The following STC2 variants were observed in gnomAD, a reference collection of about 807,000 sequenced individuals.
The protein encoded by STC2 is stanniocalcin 2, also known as stanniocalcin-2.
STC2 carries 7 observed loss-of-function variants against 22.7 expected under a neutral mutation model. The observed-to-expected ratio is 0.31, with a 90% CI of 0.18 to 0.58. STC2 has a LOEUF of 0.58. Ranked by LOEUF, STC2 falls within the 20% of genes least tolerant of loss-of-function variation. The probability of loss-of-function intolerance (pLI) is 0.89; values close to 1 mark genes in which losing one functional copy is unlikely to be tolerated. For synonymous variants in STC2, 158 were observed against 163.4 expected (o/e 0.97, Z 0.25); for missense variants, 336 against 406.2 (o/e 0.83, Z 1.48).
intron 2 of STC2, among the ~76,000 whole-genome samples, chr5:173,324,752 T>G (rs1762526115): frequency 6.6e-6 from 1 of 152,252 alleles, no homozygotes; most frequent in Admixed American, 6.5e-5. Context: ...TTCTTGGTAT[T>G]CTTCCCTGAC....
At chr5:173,321,328 A>G (rs1203776016) in intron 3 of STC2, among the ~76,000 whole-genome samples, 1 of 152,194 alleles carries the variant, frequency 6.6e-6, no homozygotes, top group Non-Finnish European at 1.5e-5. Context: ...ATAGCCTTAT[A>G]AACTAGGAAT....
intron 3 of STC2, among the ~76,000 whole-genome samples, chr5:173,320,573 G>A (rs952897068): frequency 1.3e-5 from 2 of 152,094 alleles, no homozygotes; most frequent in Admixed American, 1.3e-4. Context: ...GTGACATGGC[G>A]AGTGGGGGTA....
chr5:173,325,983 G>T lies in STC2; in HGVS notation c.179C>A (p.Ala60Asp). The stretch of plus-strand genomic sequence containing the variant: ...AAACACGCCACACCCCACATCGCCA[G>T]CGTTGACCAAACAGTGCTGGATCTC... ...TAEIQHCLVN[A>D]GDVGCGVFEC... The change falls in exon 2 of 4, where the codon GCT (alanine) becomes GAT (aspartate). Residue 60 changes from alanine (A) to aspartate (D), a missense_variant. By Grantham distance (126) the Ala-to-Asp change is moderately radical. Coordinates refer to ENST00000265087, the MANE Select transcript of STC2 (RefSeq NM_003714.3). This position sits in a 1 kb window ranked among gnomAD's most constrained non-coding sequence, Gnocchi z 4.7. 1 of 1,614,208 alleles carries T rather than the reference G, an allele frequency of 6.2e-7. No homozygotes were observed. The highest frequency in any genetic ancestry group is 8.5e-7 in the Non-Finnish European group (1 of 1,180,052).
At chr5:173,327,073 G>A (rs1475779528) in intron 1 of STC2, among the ~76,000 whole-genome samples, 1 of 151,858 alleles carries the variant, frequency 6.6e-6, no homozygotes. Flanking sequence ...CGGGGTGGTG[G>A]GGGTGCCGGC....
chr5:173,318,899 G>C (rs116329742), intron 3 of STC2, among the ~76,000 whole-genome samples: 1 of 152,176 alleles, frequency 6.6e-6, no homozygotes, highest in African/African-American at 2.4e-5. Flanking sequence ...GAAGTGGGAG[G>C]GAGGAAGACC....
intron 1 of STC2, among the ~76,000 whole-genome samples, chr5:173,327,270 T>G (rs1175070120): frequency 6.6e-6 from 1 of 152,222 alleles, no homozygotes; most frequent in Non-Finnish European, 1.5e-5. Context: ...GGAGGGGTCG[T>G]GGAGCGAAGG....
chr5:173,323,116 A>G lies in STC2; in HGVS notation c.506+103T>C. On this transcript the variant is annotated intron_variant, in intron 3 of 3. Coordinates refer to ENST00000265087, the MANE Select transcript of STC2 (RefSeq NM_003714.3). This position sits in a 1 kb window ranked among gnomAD's most constrained non-coding sequence, Gnocchi z 5.4. ...AGTAAATGGAAGCCTTCTCCATTTG[A>G]CAGGCATTCAGCCTCTAGAAGCAAC... 3 of 1,074,336 alleles carry G rather than the reference A, an allele frequency of 2.8e-6. No homozygotes were observed. The South Asian group carries it at 4.2e-5, about 15-fold the overall frequency. 66.6% of individuals were successfully genotyped at this position (1,074,336 alleles called of 1,614,324 possible).
At chr5:173,319,379 G>T (rs1334497811) in intron 3 of STC2, among the ~76,000 whole-genome samples, 2 of 152,192 alleles carry the variant, frequency 1.3e-5, no homozygotes, top group Middle Eastern at 3.2e-3. Flanking sequence ...GCATTCCTAG[G>T]CAGTCCTCGC....
chr5:173,327,931 T>C (rs1488622339), intron 1 of STC2, 112 bp downstream of exon 1: 3 of 1,333,286 alleles, frequency 2.3e-6, no homozygotes, highest in Non-Finnish European at 2.9e-6. Context: ...TCCCAAGAGT[T>C]TGCGTGGCCC....
intron 1 of STC2, 69 bp from the exon 2 acceptor site, chr5:173,326,079 T>C (rs1160243816): frequency 3.9e-6 from 6 of 1,540,640 alleles, no homozygotes; most frequent in South Asian, 2.5e-5. Context: ...GAGAGGTCAT[T>C]TGAAATAAAA....
Position 173,328,129 on chromosome 5 carries a change from G to T in STC2, c.65C>A (p.Ala22Glu), listed in dbSNP as rs1260231898. 1 of 1,600,744 alleles carries T rather than the reference G, an allele frequency of 6.2e-7. No individual in the cohort carries two copies. Among genetic ancestry groups the T allele is most frequent in the Admixed American group, 1.7e-5 (1 of 58,498 alleles). ...TGGGTTGGTGGCGTCGGTCCCCCGC[G>T]CCGGGTCAAAGGTGGCCAACACCAA... The part of the protein sequence containing the change: ...LALVLATFDP[A>E]RGTDATNPPE... Residue 22 changes from alanine (A) to glutamate (E), a missense_variant, in exon 1 of 4, where the codon GCG (alanine) becomes GAG (glutamate). Around this residue, in one of 3 missense-constraint regions of STC2, gnomAD observed 99 missense variants for 122.7 expected, o/e 0.81. Coordinates refer to ENST00000265087, the MANE Select transcript of STC2 (RefSeq NM_003714.3).
chr5:173,319,563 G>C (rs938442974), intron 3 of STC2, among the ~76,000 whole-genome samples: 1 of 152,266 alleles, frequency 6.6e-6, no homozygotes, highest in African/African-American at 2.4e-5. Context: ...CCTTTTCTTT[G>C]CAAGTTGGCA....
At chr5:173,319,509 C>T (rs1242101940) in intron 3 of STC2, among the ~76,000 whole-genome samples, 1 of 152,222 alleles carries the variant, frequency 6.6e-6, no homozygotes, top group Non-Finnish European at 1.5e-5. Flanking sequence ...ATTTGTCCTC[C>T]CTAAGTCTGG....
At chr5:173,319,321 C>A (rs1041457603) in intron 3 of STC2, among the ~76,000 whole-genome samples, 3 of 152,320 alleles carry the variant, frequency 2.0e-5, no homozygotes, top group African/African-American at 7.2e-5. Context: ...TCTCACTGGC[C>A]TTTAAAACCC....
rs1267882823 is a variant in STC2 at position 173,316,042 on chromosome 5, C to G, written c.*1805G>C. 2 of 152,264 alleles carry G rather than the reference C, an allele frequency of 1.3e-5. No homozygotes were observed. The highest frequency in any genetic ancestry group is 2.9e-5 in the Non-Finnish European group (2 of 68,100). 9.4% of individuals were successfully genotyped at this position (152,264 alleles called of 1,614,324 possible). On this transcript the variant is annotated 3_prime_UTR_variant, in exon 4 of 4. Coordinates refer to ENST00000265087, the MANE Select transcript of STC2 (RefSeq NM_003714.3). ...AACAAGTCATTTTAGAGCAGATACGCTTGGTTTCTTGGTGTCTGGCCTCAG... is the reference window on the plus strand; with the variant it reads ...AACAAGTCATTTTAGAGCAGATACGGTTGGTTTCTTGGTGTCTGGCCTCAG...
intron 3 of STC2, among the ~76,000 whole-genome samples, chr5:173,320,964 A>T (rs1361740357): frequency 6.6e-6 from 1 of 152,086 alleles, no homozygotes; most frequent in East Asian, 1.9e-4. Flanking sequence ...CCGCCACATC[A>T]TGGCTTCAGA....
At chr5:173,324,503 G>A (rs944871176) in intron 2 of STC2, among the ~76,000 whole-genome samples, 1 of 152,212 alleles carries the variant, frequency 6.6e-6, no homozygotes, top group African/African-American at 2.4e-5. Context: ...CCATAGAAAT[G>A]TCTACAGATA....
Position 173,325,743 on chromosome 5 carries a change from G to T in STC2, c.294+125C>A, listed in dbSNP as rs187894874. The T allele has an allele frequency of 5.3e-6, 7 of 1,324,220 alleles. No homozygotes were observed. The highest frequency in any genetic ancestry group is 1.8e-5 in the Admixed American group (1 of 55,110). 82.0% of individuals were successfully genotyped at this position (1,324,220 alleles called of 1,614,324 possible). A position where few individuals can be genotyped will look rare whatever the true frequency, so the allele number is the denominator to read the frequency against. On this transcript the variant is annotated intron_variant, in intron 2 of 3. Coordinates refer to ENST00000265087, the MANE Select transcript of STC2 (RefSeq NM_003714.3). This position sits in a 1 kb window ranked among gnomAD's most constrained non-coding sequence, Gnocchi z 4.7. Reference sequence around the variant, plus strand: ...CATAATGTTTTATACCTAGACTGTCGCTTGCAAGCACTAAAACACACCACA... The same window carrying T: ...CATAATGTTTTATACCTAGACTGTCTCTTGCAAGCACTAAAACACACCACA...
chr5:173,322,829 C>T (rs148415619), intron 3 of STC2: 170 of 237,980 alleles, frequency 7.1e-4, no homozygotes, highest in East Asian at 3.6e-3. Flanking sequence ...CAGTGCCTGG[C>T]GCTTAGTAAA....
Sources: gnomAD v4.1 joint callset for allele counts (sites outside exome capture counted in the v4.1 genomes callset) on GRCh38, gnomAD v4.1.1 for gene constraint, gnomAD v4.1.1 regional missense constraint, Gnocchi (gnomAD v3.1) non-coding constraint, MANE v1.5 for transcripts, NCBI Gene and HGNC (gene_info 2026-07-23, HGNC 2026-07-21) for gene names.